MIA3: variants seen among roughly 807,000 people sequenced by gnomAD.
MIA3 encodes transport and Golgi organization protein 1 homolog.
In MIA3, 90 loss-of-function variants were observed where a neutral mutation model predicts 192.4. The ratio of observed to expected loss-of-function variants is 0.47; its 90% confidence interval spans 0.39 to 0.56. MIA3 has a LOEUF of 0.56. Among genes scored for constraint, MIA3 ranks in the 20% least tolerant of loss-of-function variants. The pLI is 0.00. For missense variants in MIA3, 2,123 were observed against 2,269.4 expected, an observed-to-expected ratio of 0.94 and a Z score of 1.31; for synonymous variants, 740 against 792.8, an observed-to-expected ratio of 0.93 and a Z score of 1.12.
At chr1:222,621,584 C>T (rs541336380) in intron 2 of MIA3, among the ~76,000 whole-genome samples, 2 of 152,152 alleles carry the variant, frequency 1.3e-5, no homozygotes, top group Admixed American at 1.3e-4. Flanking sequence ...AAAAATACTT[C>T]ATTGCTTTAA....
At chr1:222,654,607 C>G (rs755425407) in intron 17 of MIA3, 48 bp from the exon 18 acceptor site, 1 of 1,600,882 alleles carries the variant, frequency 6.2e-7, no homozygotes, top group Non-Finnish European at 8.5e-7. Flanking sequence ...ACCAAGTTCT[C>G]AAGTTCTTGT....
chr1:222,640,400 A>C lies in MIA3; in HGVS notation c.3478-5154A>C, dbSNP rs74145520. 4.4e-3 allele frequency among the ~76,000 whole-genome samples: 668 copies of C among 152,238 alleles called. 6 individuals are homozygous for C. The highest frequency in any genetic ancestry group is 0.014 in the African/African-American group (564 of 41,566). ...CATGTAATTTCAAGACTTACTATAA[A>C]GCTCTAGTAAGTAAGACAGCAGATG... On this transcript the variant is annotated intron_variant, in intron 6 of 27. Transcript: ENST00000344922.
intron 6 of MIA3, chr1:222,641,987 A>G (rs902658630): frequency 5.9e-6 from 2 of 338,860 alleles, no homozygotes; most frequent in Non-Finnish European, 5.8e-6. Flanking sequence ...CATTATAGAT[A>G]TGTGCAGCAA....
chr1:222,628,410 CAA>C lies in MIA3; in HGVS notation c.1191_1192del (p.Asp399TyrfsTer8). On this transcript the variant is annotated frameshift_variant, in exon 4 of 28. Coordinates refer to ENST00000344922, the MANE Select transcript of MIA3 (RefSeq NM_198551.4). LOFTEE classifies it high-confidence loss of function. ...TCTATTGTCACAGGAGGTGAAGAAACAAGAGATACGATGGATTTAGAGAGCTC... is the reference window on the plus strand; with the variant it reads ...TCTATTGTCACAGGAGGTGAAGAAACGAGATACGATGGATTTAGAGAGCTC... 4 of 1,613,784 alleles carry C rather than the reference CAA, an allele frequency of 2.5e-6. No individual in the cohort carries two copies. Among genetic ancestry groups the C allele is most frequent in the Non-Finnish European group, 1.7e-6 (2 of 1,179,958 alleles).
intron 7 of MIA3, among the ~76,000 whole-genome samples, chr1:222,648,164 T>G (rs1663244214): frequency 6.6e-6 from 1 of 152,218 alleles, no homozygotes; most frequent in African/African-American, 2.4e-5. Flanking sequence ...AGGAAGATGA[T>G]AGTTGTCATT....
chr1:222,664,357 A>T (rs1429317671), intron 27 of MIA3, among the ~76,000 whole-genome samples: 1 of 152,228 alleles, frequency 6.6e-6, no homozygotes, highest in Non-Finnish European at 1.5e-5. Flanking sequence ...CTCTAATAGA[A>T]CAAGGAAAGG....
Position 222,664,153 on chromosome 1 carries a change from G to C in MIA3, c.5413+5G>C, listed in dbSNP as rs369070176. 1.6e-5 allele frequency: 26 copies of C among 1,613,950 alleles called. No homozygotes were observed. The highest frequency in any genetic ancestry group is 2.1e-5 in the Non-Finnish European group (25 of 1,179,942). ...GGCCACTTCCTCCACCCTTTGGTAA[G>C]ATGATCTGAACAGTAGTAATTGACT... On this transcript the variant is annotated splice_donor_5th_base_variant and intron_variant, in intron 27 of 27. Transcript: ENST00000344922.
chr1:222,659,011 G>T (rs182296047), intron 19 of MIA3, 188 bp downstream of exon 19: 84 of 515,952 alleles, frequency 1.6e-4, no homozygotes, highest in African/African-American at 1.5e-3. Flanking sequence ...AAACTGTAAG[G>T]GAACTTGATT....
intron 15 of MIA3, 145 bp from the exon 16 acceptor site, chr1:222,654,098 A>G: frequency 1.4e-6 from 1 of 731,946 alleles, no homozygotes; most frequent in East Asian, 2.7e-5. Flanking sequence ...CAGTTCTCTT[A>G]AAAGTCAGTC....
intron 6 of MIA3, among the ~76,000 whole-genome samples, chr1:222,643,975 C>T (rs1662988914): frequency 6.6e-6 from 1 of 152,176 alleles, no homozygotes; most frequent in South Asian, 2.1e-4. Context: ...TGCAGTGGCG[C>T]CCCATCTGAG....
chr1:222,632,987 T>C (rs1662468523), intron 5 of MIA3, 117 bp from the exon 6 acceptor site: 1 of 1,035,456 alleles, frequency 9.7e-7, no homozygotes, highest in South Asian at 1.6e-5. Flanking sequence ...CAGTGAGAGA[T>C]GAGAACGTTT....
chr1:222,635,914 T>G (rs1282386775), intron 6 of MIA3, among the ~76,000 whole-genome samples: 2 of 152,240 alleles, frequency 1.3e-5, no homozygotes, highest in East Asian at 3.8e-4. Context: ...TATTTCATTC[T>G]TATACTGACT....
At chr1:222,634,487 TTAGAA>T (rs1306659157) in intron 6 of MIA3, among the ~76,000 whole-genome samples, 1 of 152,180 alleles carries the variant, frequency 6.6e-6, no homozygotes, top group East Asian at 1.9e-4. Context: ...GGTCTGTTTC[TTAGAA>T]AGAGTCACTT....
chr1:222,663,311 C>G (rs777210755), intron 26 of MIA3, among the ~76,000 whole-genome samples: 1 of 152,198 alleles, frequency 6.6e-6, no homozygotes, highest in East Asian at 1.9e-4. Flanking sequence ...GGATAAGACC[C>G]GAGACCCCTT....
At position 222,628,213 on chromosome 1, in the gene MIA3, T is replaced by C. The variant is rs1662209787; in HGVS notation, c.993T>C (p.Leu331=). ...AAGACTTTGATGAGTTGCCATTACT[T>C]ACCTTTACAGATGGGGAAGATATGA... is the stretch of plus-strand genomic sequence containing the variant. ...NQEDFDELPL[L]TFTDGEDMKT... The change falls in exon 4 of 28, where the codon CTT becomes CTC. Residue 331 remains leucine (L), a synonymous_variant. Coordinates refer to ENST00000344922, the MANE Select transcript of MIA3 (RefSeq NM_198551.4). The C allele has an allele frequency of 1.2e-6, 2 of 1,614,134 alleles. No individual in the cohort carries two copies. The highest frequency in any genetic ancestry group is 4.5e-5 in the East Asian group (2 of 44,880).
At position 222,654,469 on chromosome 1, in the gene MIA3, T is replaced by G. The variant is rs931954885; in HGVS notation, c.4458T>G (p.Cys1486Trp). The change falls in exon 17 of 28, where the codon TGT becomes TGG. Residue 1486 changes from cysteine (C) to tryptophan (W), a missense_variant. Cys to Trp is a radical substitution (Grantham distance 215). Coordinates refer to ENST00000344922, the MANE Select transcript of MIA3 (RefSeq NM_198551.4). ...LKLRASVSTK[C>W]NLEDQVKKLE... ...TAAGAGCCTCCGTGTCCACTAAATG[T>G]AACCTGGAAGGTAGGTTGCTTCTTG... is the stretch of plus-strand genomic sequence containing the variant. 1.9e-6 allele frequency: 3 copies of G among 1,612,382 alleles called. No individual in the cohort carries two copies. Among genetic ancestry groups the G allele is most frequent in the Admixed American group, 3.3e-5 (2 of 59,986 alleles).
At position 222,629,335 on chromosome 1, in the gene MIA3, A is replaced by G; in HGVS notation, c.2115A>G (p.Thr705=). The change falls in exon 4 of 28, where the codon ACA becomes ACG. Residue 705 remains threonine (T), a synonymous_variant. Transcript: ENST00000344922. ...TGCAGGGCACAGAGGTAGGACAGAC[A>G]GACCAAACTGACAGCACAGGAGGAC... ...KAMQGTEVGQ[T]DQTDSTGGPA... 3 of 1,614,232 alleles carry G rather than the reference A, an allele frequency of 1.9e-6. No individual in the cohort carries two copies. Among genetic ancestry groups the G allele is most frequent in the Non-Finnish European group, 1.7e-6 (2 of 1,180,030 alleles).
In MIA3 at chr1:222,639,871, T is replaced by C. The variant is rs192850158; in HGVS notation, c.3478-5683T>C. 1.2e-3 allele frequency among the ~76,000 whole-genome samples: 177 copies of C among 152,188 alleles called. 1 individual carries two copies. Among genetic ancestry groups the C allele is most frequent in the African/African-American group, 4.1e-3 (169 of 41,568 alleles). ...ACATCTGTTCAGTGTTATAAGGCAA[T>C]AGCCAGTGCACTAAGGCAAGAAAAA... On this transcript the variant is annotated intron_variant, in intron 6 of 27. Transcript: ENST00000344922.
At chr1:222,634,628 C>CT (rs750602466) in intron 6 of MIA3, among the ~76,000 whole-genome samples, 3 of 152,138 alleles carry the variant, frequency 2.0e-5, no homozygotes, top group Non-Finnish European at 2.9e-5. Flanking sequence ...TGGAATTGGA[C>CT]TTTTTTTCTT....
Sources: allele counts gnomAD v4.1 joint callset (sites outside exome capture counted in the v4.1 genomes callset), GRCh38; gene constraint gnomAD v4.1.1; transcripts MANE v1.5; gene names NCBI Gene and HGNC (gene_info 2026-07-23, HGNC 2026-07-21).